CCDC88A: variants seen among roughly 807,000 people sequenced by gnomAD.
The protein encoded by CCDC88A is coiled-coil and HOOK domain protein 88A.
In CCDC88A, 54 loss-of-function variants were observed where a neutral mutation model predicts 234.3. That is an observed-to-expected ratio of 0.23 (90% CI 0.19 to 0.29). CCDC88A has a LOEUF of 0.29. CCDC88A is among the 10% of genes least tolerant of loss of function. The pLI, the probability that CCDC88A is intolerant of heterozygous loss-of-function variation, is 1.00. For missense variants in CCDC88A, 1,832 were observed against 2,123.4 expected (o/e 0.86, Z 2.70); for synonymous variants, 753 against 737.8 (o/e 1.02, Z -0.33).
intron 13 of CCDC88A, 70 bp from the exon 14 acceptor site, chr2:55,336,888 C>A: frequency 3.2e-6 from 3 of 946,976 alleles, no homozygotes; most frequent in Non-Finnish European, 3.2e-6. Flanking sequence ...CAAAACAAAA[C>A]ATAATCGCTG....
rs1679396491 is a variant in CCDC88A, at chr2:55,290,909, G to A, written c.*291C>T. 1 of 152,514 alleles carries A rather than the reference G, an allele frequency of 6.6e-6. No individual in the cohort carries two copies. The highest frequency in any genetic ancestry group is 1.5e-5 in the Non-Finnish European group (1 of 67,954). 9.4% of individuals were successfully genotyped at this position (152,514 alleles called of 1,614,324 possible). A position where few individuals can be genotyped will look rare whatever the true frequency, so the allele number is the denominator to read the frequency against. On this transcript the variant is annotated 3_prime_UTR_variant, in exon 33 of 33. Transcript: ENST00000436346. The stretch of plus-strand genomic sequence containing the variant: ...TTAAAACACCTGGTCCTTAGTGAGA[G>A]AACGTCCTTTATTCAGTAGATCTTA...
At chr2:55,391,253 C>T (rs1190254508) in intron 2 of CCDC88A, among the ~76,000 whole-genome samples, 3 of 152,122 alleles carry the variant, frequency 2.0e-5, no homozygotes, top group African/African-American at 7.2e-5. Flanking sequence ...TCAAGAACCC[C>T]ACCCCCAACA....
intron 22 of CCDC88A, chr2:55,314,350 G>A (rs939321314): frequency 2.0e-5 from 3 of 152,234 alleles, no homozygotes; most frequent in African/African-American, 7.2e-5. Flanking sequence ...TTGTTAAAGA[G>A]CATTATCAGT....
chr2:55,369,020 A>G (rs1672419581), intron 5 of CCDC88A, among the ~76,000 whole-genome samples: 1 of 152,124 alleles, frequency 6.6e-6, no homozygotes. Context: ...AGTGGCTCCA[A>G]AACACCCACA....
intron 2 of CCDC88A, among the ~76,000 whole-genome samples, chr2:55,407,143 G>A (rs1366788578): frequency 1.3e-5 from 2 of 151,128 alleles, no homozygotes; most frequent in African/African-American, 4.9e-5. Context: ...GAGACTGGGA[G>A]GTCAAGGATG....
rs758300445 is a variant in CCDC88A at position 55,334,212 on chromosome 2, G to A, written c.2609C>T (p.Ser870Phe). ...GNLEKENKTL[S>F]KEIGIYKESC... ...TTCTTTATATATACCAATTTCTTTG[G>A]ATAGGGTTTTGTTTTCTTTTTCCAA... Residue 870 changes from serine to phenylalanine, a missense_variant, in exon 15 of 33, where the codon TCC becomes TTC. Ser to Phe is a radical substitution (Grantham distance 155). This residue lies in a region of CCDC88A where 1,282 missense variants were observed against 1,543.6 expected (regional missense o/e 0.83). Transcript: ENST00000436346. The surrounding 1 kb of genome is among the most constrained non-coding windows in gnomAD (Gnocchi z 6.1). The A allele has an allele frequency of 1.4e-6, 2 of 1,442,516 alleles. No individual in the cohort carries two copies. The highest frequency in any genetic ancestry group is 1.8e-6 in the Non-Finnish European group (2 of 1,099,656). 89.4% of individuals were successfully genotyped at this position (1,442,516 alleles called of 1,614,324 possible).
chr2:55,312,717 G>T, intron 22 of CCDC88A, 138 bp from the exon 23 acceptor site: 1 of 612,694 alleles, frequency 1.6e-6, no homozygotes, highest in Non-Finnish European at 2.8e-6. Flanking sequence ...ATCAGAGCAT[G>T]ATTATTTTAG....
intron 8 of CCDC88A, among the ~76,000 whole-genome samples, chr2:55,351,227 T>C (rs1442390976): frequency 1.3e-5 from 2 of 152,208 alleles, no homozygotes; most frequent in Admixed American, 1.3e-4. Context: ...CACACTGCTG[T>C]GCCTGGCTTT....
At chr2:55,416,107 TA>T (rs1012991744) in intron 2 of CCDC88A, among the ~76,000 whole-genome samples, 6 of 151,724 alleles carry the variant, frequency 4.0e-5, no homozygotes, top group African/African-American at 1.5e-4. Context: ...ACATAGACAT[TA>T]AGCCAATTAT....
rs142867434 is a variant in CCDC88A, at chr2:55,315,637, T to C, written c.3933+291A>G. On this transcript the variant is annotated intron_variant, in intron 22 of 32. Coordinates refer to ENST00000436346, the MANE Select transcript of CCDC88A (RefSeq NM_001365480.1). ...ATGTTGTTTCCAGCTAATTTTTCTA[T>C]TGGTTTATAATTTCATGCCAGGTGT... 1.1e-3 allele frequency: 217 copies of C among 202,662 alleles called. 1 individual carries two copies. Among genetic ancestry groups the C allele is most frequent in the African/African-American group, 4.3e-3 (187 of 43,844 alleles). The allele number at this position is 202,662 out of a possible 1,614,324, so 12.6% of individuals were successfully genotyped here. A position where few individuals can be genotyped will look rare whatever the true frequency, so the allele number is the denominator to read the frequency against.
intron 2 of CCDC88A, 60 bp from the exon 3 acceptor site, chr2:55,388,946 A>G: frequency 4.2e-6 from 2 of 476,858 alleles, no homozygotes; most frequent in Non-Finnish European, 7.3e-6. Flanking sequence ...ATCTATATAT[A>G]ATTAAAATTA....
chr2:55,332,777 C>A lies in CCDC88A; in HGVS notation c.2728-84G>T. 8.6e-7 allele frequency: 1 copy of A among 1,160,082 alleles called. No individual in the cohort carries two copies. Among genetic ancestry groups the A allele is most frequent in the Non-Finnish European group, 1.3e-6 (1 of 796,598 alleles). The allele number at this position is 1,160,082 out of a possible 1,614,324, so 71.9% of individuals were successfully genotyped here. ...AGTCAGCTAAGATTCTAATTACCAC[C>A]ATCTAGGAATACATGTAATTTGAAC... On this transcript the variant is annotated intron_variant, in intron 15 of 32. Coordinates refer to ENST00000436346, the MANE Select transcript of CCDC88A (RefSeq NM_001365480.1). The surrounding 1 kb of genome is among the most constrained non-coding windows in gnomAD (Gnocchi z 4.5).
intron 3 of CCDC88A, among the ~76,000 whole-genome samples, chr2:55,379,438 G>A (rs1261429478): frequency 6.6e-6 from 1 of 152,054 alleles, no homozygotes; most frequent in Non-Finnish European, 1.5e-5. Flanking sequence ...AAGAGAAAAA[G>A]GTTTTGAGAA....
At chr2:55,291,466 C>G (rs1028206195) in intron 32 of CCDC88A, 1 of 340,542 alleles carries the variant, frequency 2.9e-6, no homozygotes, top group Non-Finnish European at 5.2e-6. Flanking sequence ...GACAAAAAAA[C>G]TTAAAAAAAA....
intron 3 of CCDC88A, among the ~76,000 whole-genome samples, chr2:55,378,787 C>A (rs1010250026): frequency 6.6e-6 from 1 of 150,730 alleles, no homozygotes; most frequent in Non-Finnish European, 1.5e-5. Context: ...GCTCTGTCAC[C>A]CAGGCTGGAG....
At chr2:55,306,866 G>A (rs191743826) in intron 25 of CCDC88A, among the ~76,000 whole-genome samples, 10 of 152,198 alleles carry the variant, frequency 6.6e-5, no homozygotes, top group African/African-American at 1.2e-4. Flanking sequence ...ATGAGCCACC[G>A]CGCCTGGCCT....
chr2:55,398,527 T>C (rs1039208195), intron 2 of CCDC88A, among the ~76,000 whole-genome samples: 4 of 152,096 alleles, frequency 2.6e-5, no homozygotes, highest in Non-Finnish European at 5.9e-5. Context: ...TACTGACACA[T>C]GTTAGGATCA....
At chr2:55,397,460 A>G (rs2104928500) in intron 2 of CCDC88A, 1 of 152,270 alleles carries the variant, frequency 6.6e-6, no homozygotes, top group South Asian at 2.1e-4. Flanking sequence ...TTTGTAGTGC[A>G]AGCTCATTAC....
At position 55,308,849 on chromosome 2, in the gene CCDC88A, A is replaced by G; in HGVS notation, c.4347T>C (p.Ser1449=). ...SQDSSSVGSN[S]LEDGQTLGTK... ...TCCCCAAGGTCTGGCCATCTTCTAA[A>G]GAGTTTGAACCTACTGAAGAACTAT... The change falls in exon 25 of 33, where the codon TCT becomes TCC. Residue 1449 remains serine (S), a synonymous_variant. Coordinates refer to ENST00000436346, the MANE Select transcript of CCDC88A (RefSeq NM_001365480.1). The G allele has an allele frequency of 6.2e-7, 1 of 1,614,154 alleles. No individual in the cohort carries two copies.
Sources: gnomAD v4.1 joint callset for allele counts (sites outside exome capture counted in the v4.1 genomes callset) on GRCh38, gnomAD v4.1.1 for gene constraint, gnomAD v4.1.1 regional missense constraint, Gnocchi (gnomAD v3.1) non-coding constraint, MANE v1.5 for transcripts, NCBI Gene and HGNC (gene_info 2026-07-23, HGNC 2026-07-21) for gene names.